ZFHX3: variants seen among roughly 807,000 people sequenced by gnomAD.
ZFHX3 encodes zinc finger homeobox 3, also known as zinc finger homeobox protein 3.
ZFHX3 carries 42 observed loss-of-function variants against 279.1 expected under a neutral mutation model. That is an observed-to-expected ratio of 0.15 (90% CI 0.12 to 0.19). The LOEUF is 0.19. Ranked by LOEUF, ZFHX3 falls within the 10% of genes least tolerant of loss-of-function variation. ZFHX3 has a pLI of 1.00. For synonymous variants in ZFHX3, 2,293 were observed against 1,957.8 expected (o/e 1.17, Z -4.52); for missense variants, 4,981 against 4,754.0 (o/e 1.05, Z -1.40).
At chr16:73,084,944 G>C (rs1255093975) in intron 8 of ZFHX3, among the ~76,000 whole-genome samples, 1 of 152,264 alleles carries the variant, frequency 6.6e-6, no homozygotes, top group South Asian at 2.1e-4. Context: ...TGGATTGAAA[G>C]AATTAATGTT....
At chr16:73,369,353 G>C (rs370538505) in intron 3 of ZFHX3, among the ~76,000 whole-genome samples, 1 of 152,324 alleles carries the variant, frequency 6.6e-6, no homozygotes, top group East Asian at 1.9e-4. Context: ...CTTCAAGATG[G>C]TGATGGCAGC....
At chr16:73,378,566 T>C (rs558722443) in intron 3 of ZFHX3, among the ~76,000 whole-genome samples, 1 of 152,312 alleles carries the variant, frequency 6.6e-6, no homozygotes, top group African/African-American at 2.4e-5. Context: ...TACGTACAGA[T>C]AAATTTAAGA....
intron 2 of ZFHX3, among the ~76,000 whole-genome samples, chr16:73,545,660 C>T (rs1339929243): frequency 3.3e-5 from 5 of 152,254 alleles, no homozygotes; most frequent in Admixed American, 3.3e-4. Flanking sequence ...ATCTTTGAAA[C>T]AGTTTATAAC....
At chr16:73,247,526 G>A (rs1011827343) in intron 5 of ZFHX3, among the ~76,000 whole-genome samples, 3 of 149,532 alleles carry the variant, frequency 2.0e-5, no homozygotes, top group Admixed American at 1.3e-4. Context: ...TGTATACTAC[G>A]TATATAATGT....
intron 2 of ZFHX3, among the ~76,000 whole-genome samples, chr16:73,512,909 C>G (rs1018071894): frequency 6.6e-6 from 1 of 152,190 alleles, no homozygotes; most frequent in Non-Finnish European, 1.5e-5. Context: ...ACTAGTGAAG[C>G]AGGCAGGCAC....
At chr16:73,543,753 G>C (rs1230899715) in intron 2 of ZFHX3, among the ~76,000 whole-genome samples, 1 of 149,784 alleles carries the variant, frequency 6.7e-6, no homozygotes, top group Non-Finnish European at 1.5e-5. Context: ...TCTCTATCAA[G>C]GAATGATGTA....
intron 2 of ZFHX3, among the ~76,000 whole-genome samples, chr16:73,498,020 C>G (rs575128895): frequency 3.0e-4 from 46 of 152,182 alleles, no homozygotes; most frequent in African/African-American, 1.1e-3. Flanking sequence ...ACTATAAATG[C>G]CTGTAAAATA....
At chr16:73,134,331 CTTTT>C (rs58052486) in intron 6 of ZFHX3, among the ~76,000 whole-genome samples, 1,296 of 50,264 alleles carry the variant, frequency 0.026, 31 homozygotes, top group African/African-American at 0.083. Context: ...CTCCCCACCT[CTTTT>C]TTTTTTTTTT....
intron 4 of ZFHX3, among the ~76,000 whole-genome samples, chr16:73,308,972 T>A (rs1314286766): frequency 6.6e-6 from 1 of 152,126 alleles, no homozygotes; most frequent in Non-Finnish European, 1.5e-5. Context: ...TTAGATCCCA[T>A]GACAGGCTTC....
At chr16:73,312,542 C>G (rs1160065617) in intron 4 of ZFHX3, among the ~76,000 whole-genome samples, 1 of 152,196 alleles carries the variant, frequency 6.6e-6, no homozygotes, top group African/African-American at 2.4e-5. Flanking sequence ...AGCAGCGATG[C>G]TACTCATACA....
At chr16:72,899,674 T>C (rs2038983963) in intron 3 of ZFHX3, among the ~76,000 whole-genome samples, 1 of 152,172 alleles carries the variant, frequency 6.6e-6, no homozygotes, top group Non-Finnish European at 1.5e-5. Context: ...TGAATCTCAC[T>C]AGCTGTGCCA....
intron 5 of ZFHX3, among the ~76,000 whole-genome samples, chr16:73,215,264 G>A (rs2012164170): frequency 6.6e-6 from 1 of 152,112 alleles, no homozygotes; most frequent in Admixed American, 6.5e-5. Flanking sequence ...CTACTTCCAT[G>A]TTACAAAGCA....
chr16:73,673,791 AC>A (rs1397358990), intron 2 of ZFHX3, among the ~76,000 whole-genome samples: 1 of 152,134 alleles, frequency 6.6e-6, no homozygotes, highest in Non-Finnish European at 1.5e-5. Flanking sequence ...TATGTATTCC[AC>A]CTGAATGGAG....
chr16:73,396,992 C>T (rs991787476), intron 3 of ZFHX3, among the ~76,000 whole-genome samples: 1 of 152,328 alleles, frequency 6.6e-6, no homozygotes, highest in East Asian at 1.9e-4. Context: ...GGTGGCAATG[C>T]CCCCTGCAGT....
At chr16:73,364,835 A>C (rs2016502558) in intron 3 of ZFHX3, among the ~76,000 whole-genome samples, 1 of 152,158 alleles carries the variant, frequency 6.6e-6, no homozygotes, top group Admixed American at 6.5e-5. Context: ...TGCTATAGCT[A>C]AAGTCTAGAT....
At chr16:73,604,073 G>C (rs1040460589) in intron 2 of ZFHX3, among the ~76,000 whole-genome samples, 1 of 151,862 alleles carries the variant, frequency 6.6e-6, no homozygotes, top group African/African-American at 2.4e-5. Context: ...ACCAAGCCCA[G>C]CCATTCTATA....
intron 5 of ZFHX3, among the ~76,000 whole-genome samples, chr16:73,169,060 G>T (rs1463192850): frequency 6.6e-6 from 1 of 152,216 alleles, no homozygotes; most frequent in Non-Finnish European, 1.5e-5. Flanking sequence ...GGTGCAATAA[G>T]GTTAGGGTGT....
chr16:73,161,463 C>G (rs1447868296), intron 5 of ZFHX3, among the ~76,000 whole-genome samples: 1 of 152,178 alleles, frequency 6.6e-6, no homozygotes, highest in Non-Finnish European at 1.5e-5. Context: ...TGATTATGTG[C>G]TATTTGTGGA....
At chr16:72,857,775 T>A (rs1309245307) in intron 4 of ZFHX3, among the ~76,000 whole-genome samples, 1 of 152,224 alleles carries the variant, frequency 6.6e-6, no homozygotes, top group Non-Finnish European at 1.5e-5. Flanking sequence ...TTTTCCCAAC[T>A]TCAGGCTGCA....
Sources: allele counts gnomAD v4.1 joint callset (sites outside exome capture counted in the v4.1 genomes callset), GRCh38; gene constraint gnomAD v4.1.1; transcripts MANE v1.5; gene names NCBI Gene and HGNC (gene_info 2026-07-23, HGNC 2026-07-21).